The following OR11H12 variants were observed in gnomAD, a reference collection of about 807,000 sequenced individuals.
OR11H12 encodes olfactory receptor 11H12.
A neutral mutation model predicts 19.8 loss-of-function variants in OR11H12; 10 were observed. The observed-to-expected ratio is 0.51, with a 90% CI of 0.31 to 0.86. The LOEUF is 0.86. Among genes scored for constraint, OR11H12 ranks in the 40% least tolerant of loss-of-function variants. The pLI, the probability that OR11H12 is intolerant of heterozygous loss-of-function variation, is 0.04. For missense variants in OR11H12, 123 were observed against 384.2 expected (o/e 0.32, Z 5.68); for synonymous variants, 40 against 140.5 (o/e 0.28, Z 5.06).
In OR11H12 at chr14:18,601,240, C is replaced by T; in HGVS notation, c.124C>T (p.Leu42Phe). ...TTGTGAGTGGACAATTCAGATCTTC[C>T]TCTTCTCACTCTTTACTACAACATA... Reference protein sequence around the residue: ...FTCEWTIQIFLFSLFTTTYAL... With the variant: ...FTCEWTIQIFFFSLFTTTYAL... Residue 42 changes from leucine (L) to phenylalanine (F), a missense_variant, in exon 1 of 1, where the codon CTC (leucine) becomes TTC (phenylalanine). Physicochemically the swap from Leu to Phe is conservative, Grantham distance 22. Transcript: ENST00000550708. 1.2e-6 allele frequency: 2 copies of T among 1,607,878 alleles called. No individual in the cohort carries two copies. Among genetic ancestry groups the T allele is most frequent in the Non-Finnish European group, 1.7e-6 (2 of 1,179,232 alleles).
chr14:18,602,074 C>T lies in OR11H12; in HGVS notation c.958C>T (p.Leu320=). ...KEIKAALRKV[L]GSSNII ...GATAAAGGCAGCCCTGAGGAAAGTT[C>T]TGGGAAGTTCCAACATAATCTAAGG... is the stretch of plus-strand genomic sequence containing the variant. The change falls in exon 1 of 1, where the codon CTG becomes TTG. Residue 320 remains leucine, a synonymous_variant. Coordinates refer to ENST00000550708, the MANE Select transcript of OR11H12 (RefSeq NM_001013354.1). The T allele has an allele frequency of 2.8e-6, 4 of 1,429,708 alleles. 1 individual carries two copies. The highest frequency in any genetic ancestry group is 2.5e-5 in the South Asian group (2 of 79,650). 88.6% of individuals were successfully genotyped at this position (1,429,708 alleles called of 1,614,324 possible).
At position 18,601,162 on chromosome 14, in the gene OR11H12, G is replaced by C. The variant is rs1052058907; in HGVS notation, c.46G>C (p.Glu16Gln). 5 of 1,607,058 alleles carry C rather than the reference G, an allele frequency of 3.1e-6. No individual in the cohort carries two copies. Among genetic ancestry groups the C allele is most frequent in the Non-Finnish European group, 4.2e-6 (5 of 1,178,810 alleles). Residue 16 changes from glutamate (E) to glutamine (Q), a missense_variant, in exon 1 of 1, where the codon GAG (glutamate) becomes CAG (glutamine). By Grantham distance (29) the Glu-to-Gln change is conservative. Transcript: ENST00000550708. ...GGTCACTGGCCTAATGAATGTCTCTGAGCCAAATTCCAGCTTTGCTTTTGT... is the reference window on the plus strand; with the variant it reads ...GGTCACTGGCCTAATGAATGTCTCTCAGCCAAATTCCAGCTTTGCTTTTGT... ...LQVTGLMNVS[E>Q]PNSSFAFVNE... is the part of the protein sequence containing the mutation.
chr14:18,601,210 T>A lies in OR11H12; in HGVS notation c.94T>A (p.Phe32Ile). ...AFVNEFILQG[F>I]TCEWTIQIFL... ...TGTAAATGAATTTATACTCCAAGGT[T>A]TCACTTGTGAGTGGACAATTCAGAT... The change falls in exon 1 of 1, where the codon TTC becomes ATC. Residue 32 changes from phenylalanine (F) to isoleucine (I), a missense_variant. By Grantham distance (21) the Phe-to-Ile change is conservative. Coordinates refer to ENST00000550708, the MANE Select transcript of OR11H12 (RefSeq NM_001013354.1). 6.2e-7 allele frequency: 1 copy of A among 1,609,240 alleles called. No individual in the cohort carries two copies. Among genetic ancestry groups the A allele is most frequent in the African/African-American group, 1.4e-5 (1 of 73,094 alleles).
Position 18,601,144 on chromosome 14 carries a change from G to A in OR11H12, c.28G>A (p.Gly10Ser). The change falls in exon 1 of 1, where the codon GGC becomes AGC. Residue 10 changes from glycine (G) to serine (S), a missense_variant. Transcript: ENST00000550708. ...GTGTCCCTTGACCTTGCAGGTCACTGGCCTAATGAATGTCTCTGAGCCAAA... is the reference window on the plus strand; with the variant it reads ...GTGTCCCTTGACCTTGCAGGTCACTAGCCTAATGAATGTCTCTGAGCCAAA... Reference protein sequence around the residue: MCPLTLQVTGLMNVSEPNSS... With the variant: MCPLTLQVTSLMNVSEPNSS... 1.3e-6 allele frequency: 2 copies of A among 1,577,140 alleles called. No individual in the cohort carries two copies. The highest frequency in any genetic ancestry group is 1.1e-5 in the South Asian group (1 of 90,296).
Position 18,601,275 on chromosome 14 carries a change from T to G in OR11H12, c.159T>G (p.Thr53=). The G allele has an allele frequency of 6.3e-7, 1 of 1,594,636 alleles. No individual in the cohort carries two copies. The highest frequency in any genetic ancestry group is 2.2e-5 in the East Asian group (1 of 44,570). The change falls in exon 1 of 1, where the codon ACT becomes ACG. Residue 53 remains threonine (T), a synonymous_variant. Coordinates refer to ENST00000550708, the MANE Select transcript of OR11H12 (RefSeq NM_001013354.1). ...FSLFTTTYAL[T]ITGNGAIAFV... is the part of the protein sequence containing the mutation. ...TCTTTACTACAACATATGCACTGAC[T>G]ATAACAGGGAATGGAGCCATTGCTT...
Position 18,601,255 on chromosome 14 carries a change from A to G in OR11H12, c.139A>G (p.Thr47Ala), listed in dbSNP as rs1486476143. The change falls in exon 1 of 1, where the codon ACT becomes GCT. Residue 47 changes from threonine (T) to alanine (A), a missense_variant. Transcript: ENST00000550708. Reference protein sequence around the residue: ...TIQIFLFSLFTTTYALTITGN... With the variant: ...TIQIFLFSLFATTYALTITGN... ...TCAGATCTTCCTCTTCTCACTCTTTACTACAACATATGCACTGACTATAAC... is the reference window on the plus strand; with the variant it reads ...TCAGATCTTCCTCTTCTCACTCTTTGCTACAACATATGCACTGACTATAAC... 1 of 1,606,048 alleles carries G rather than the reference A, an allele frequency of 6.2e-7. No homozygotes were observed. The highest frequency in any genetic ancestry group is 8.5e-7 in the Non-Finnish European group (1 of 1,178,826).
rs752656578 is a variant in OR11H12, at chr14:18,601,574, G to A, written c.458G>A (p.Gly153Glu). The change falls in exon 1 of 1, where the codon GGG (glycine) becomes GAG (glutamate). Residue 153 changes from glycine (G) to glutamate (E), a missense_variant. By Grantham distance (98) the Gly-to-Glu change is moderately conservative. Coordinates refer to ENST00000550708, the MANE Select transcript of OR11H12 (RefSeq NM_001013354.1). The part of the protein sequence containing the change: ...RPLLYPNIMT[G>E]HLCAKLVILC... ...TTGCTCTATCCTAATATCATGACTG[G>A]GCATCTCTGTGCCAAACTGGTCATA... is the stretch of plus-strand genomic sequence containing the variant. The A allele has an allele frequency of 1.4e-5, 23 of 1,611,808 alleles. No homozygotes were observed. The highest frequency in any genetic ancestry group is 8.3e-5 in the Admixed American group (5 of 59,992).
chr14:18,601,324 C>A lies in OR11H12; in HGVS notation c.208C>A (p.Leu70Ile), dbSNP rs1408342888. 39 of 1,507,222 alleles carry A rather than the reference C, an allele frequency of 2.6e-5. 8 individuals are homozygous for A. Among genetic ancestry groups the A allele is most frequent in the African/African-American group, 1.3e-4 (8 of 61,614 alleles). 93.4% of individuals were successfully genotyped at this position (1,507,222 alleles called of 1,614,324 possible). A position where few individuals can be genotyped will look rare whatever the true frequency, so the allele number is the denominator to read the frequency against. The change falls in exon 1 of 1, where the codon CTT becomes ATT. Residue 70 changes from leucine (L) to isoleucine (I), a missense_variant. Transcript: ENST00000550708. ...IAFVLWCDWR[L>I]HTPMYMFLGN... ...TTTTGTCCTGTGGTGTGACTGGCGA[C>A]TTCACACTCCCATGTACATGTTCCT... is the stretch of plus-strand genomic sequence containing the variant.
At position 18,601,284 on chromosome 14, in the gene OR11H12, G is replaced by C. The variant is rs759002565; in HGVS notation, c.168G>C (p.Gly56=). 50 of 1,580,226 alleles carry C rather than the reference G, an allele frequency of 3.2e-5. 2 individuals are homozygous for C. The highest frequency in any genetic ancestry group is 1.7e-5 in the Admixed American group (1 of 58,494). The change falls in exon 1 of 1, where the codon GGG becomes GGC. Residue 56 remains glycine (G), a synonymous_variant. Transcript: ENST00000550708. ...CAACATATGCACTGACTATAACAGGGAATGGAGCCATTGCTTTTGTCCTGT... is the reference window on the plus strand; with the variant it reads ...CAACATATGCACTGACTATAACAGGCAATGGAGCCATTGCTTTTGTCCTGT... ...FTTTYALTIT[G]NGAIAFVLWC...
In OR11H12 at chr14:18,601,317, C is replaced by G. The variant is rs1311498150; in HGVS notation, c.201C>G (p.Asp67Glu). The change falls in exon 1 of 1, where the codon GAC (aspartate) becomes GAG (glutamate). Residue 67 changes from aspartate to glutamate, a missense_variant. Coordinates refer to ENST00000550708, the MANE Select transcript of OR11H12 (RefSeq NM_001013354.1). ...NGAIAFVLWC[D>E]WRLHTPMYMF... The stretch of plus-strand genomic sequence containing the variant: ...CCATTGCTTTTGTCCTGTGGTGTGA[C>G]TGGCGACTTCACACTCCCATGTACA... 6.6e-7 allele frequency: 1 copy of G among 1,504,640 alleles called. No individual in the cohort carries two copies. The highest frequency in any genetic ancestry group is 9.1e-7 in the Non-Finnish European group (1 of 1,101,754). The allele number at this position is 1,504,640 out of a possible 1,614,324, so 93.2% of individuals were successfully genotyped here. A position where few individuals can be genotyped will look rare whatever the true frequency, so the allele number is the denominator to read the frequency against.
chr14:18,601,348 C>G lies in OR11H12; in HGVS notation c.232C>G (p.Leu78Val). The G allele has an allele frequency of 1.3e-6, 2 of 1,555,882 alleles. No individual in the cohort carries two copies. Among genetic ancestry groups the G allele is most frequent in the Non-Finnish European group, 1.7e-6 (2 of 1,142,920 alleles). Residue 78 changes from leucine to valine, a missense_variant, in exon 1 of 1, where the codon CTG becomes GTG. By Grantham distance (32) the Leu-to-Val change is conservative. Transcript: ENST00000550708. ...ACTTCACACTCCCATGTACATGTTC[C>G]TGGGAAATTTCTCCTTTTTAGAGAT... ...WRLHTPMYMFLGNFSFLEIWY... is the reference protein window; with the variant it reads ...WRLHTPMYMFVGNFSFLEIWY...
chr14:18,601,190 A>G lies in OR11H12; in HGVS notation c.74A>G (p.Asn25Ser), dbSNP rs756178001. 1.9e-6 allele frequency: 3 copies of G among 1,608,642 alleles called. No homozygotes were observed. Among genetic ancestry groups the G allele is most frequent in the Admixed American group, 1.7e-5 (1 of 59,666 alleles). Residue 25 changes from asparagine to serine, a missense_variant, in exon 1 of 1, where the codon AAT becomes AGT. Coordinates refer to ENST00000550708, the MANE Select transcript of OR11H12 (RefSeq NM_001013354.1). ...CCAAATTCCAGCTTTGCTTTTGTAA[A>G]TGAATTTATACTCCAAGGTTTCACT... ...SEPNSSFAFV[N>S]EFILQGFTCE...
At position 18,601,335 on chromosome 14, in the gene OR11H12, C is replaced by G; in HGVS notation, c.219C>G (p.Pro73=). The change falls in exon 1 of 1, where the codon CCC becomes CCG. Residue 73 remains proline, a synonymous_variant. Coordinates refer to ENST00000550708, the MANE Select transcript of OR11H12 (RefSeq NM_001013354.1). ...VLWCDWRLHT[P]MYMFLGNFSF... is the part of the protein sequence containing the mutation. ...GGTGTGACTGGCGACTTCACACTCC[C>G]ATGTACATGTTCCTGGGAAATTTCT... 6.6e-7 allele frequency: 1 copy of G among 1,523,888 alleles called. No homozygotes were observed. The highest frequency in any genetic ancestry group is 2.3e-5 in the East Asian group (1 of 43,774). 94.4% of individuals were successfully genotyped at this position (1,523,888 alleles called of 1,614,324 possible). A position where few individuals can be genotyped will look rare whatever the true frequency, so the allele number is the denominator to read the frequency against.
Position 18,601,222 on chromosome 14 carries a change from T to C in OR11H12, c.106T>C (p.Trp36Arg). ...EFILQGFTCEWTIQIFLFSLF... is the reference protein window; with the variant it reads ...EFILQGFTCERTIQIFLFSLF... ...TATACTCCAAGGTTTCACTTGTGAG[T>C]GGACAATTCAGATCTTCCTCTTCTC... The change falls in exon 1 of 1, where the codon TGG becomes CGG. Residue 36 changes from tryptophan (W) to arginine (R), a missense_variant. Physicochemically the swap from Trp to Arg is moderately radical, Grantham distance 101. Transcript: ENST00000550708. The C allele has an allele frequency of 6.2e-7, 1 of 1,609,136 alleles. No individual in the cohort carries two copies. The highest frequency in any genetic ancestry group is 8.5e-7 in the Non-Finnish European group (1 of 1,179,518).
At position 18,601,203 on chromosome 14, in the gene OR11H12, C is replaced by G; in HGVS notation, c.87C>G (p.Leu29=). ...TTGCTTTTGTAAATGAATTTATACT[C>G]CAAGGTTTCACTTGTGAGTGGACAA... is the stretch of plus-strand genomic sequence containing the variant. The part of the protein sequence containing the change: ...SSFAFVNEFI[L]QGFTCEWTIQ... The change falls in exon 1 of 1, where the codon CTC becomes CTG. Residue 29 remains leucine (L), a synonymous_variant. Transcript: ENST00000550708. 6.2e-7 allele frequency: 1 copy of G among 1,609,104 alleles called. No homozygotes were observed. The highest frequency in any genetic ancestry group is 1.7e-5 in the Admixed American group (1 of 59,740).
the OR11H12 span, chr14:18,601,180 GC>G: frequency 6.2e-7 from 1 of 1,608,394 alleles, no homozygotes; most frequent in East Asian, 2.2e-5. Context: ...TTCCAGCTTT[GC>G]TTTTGTAAAT....
Position 18,601,930 on chromosome 14 carries a change from G to C in OR11H12, c.814G>C (p.Val272Leu). 1 of 1,596,298 alleles carries C rather than the reference G, an allele frequency of 6.3e-7. No individual in the cohort carries two copies. The highest frequency in any genetic ancestry group is 1.4e-5 in the African/African-American group (1 of 70,994). ...ATCACTGTGCTATAGCTCTCTTATG[G>C]TCATGTATGTGAGCCCAGGACTCGG... Reference protein sequence around the residue: ...VVSLCYSSLMVMYVSPGLGHS... With the variant: ...VVSLCYSSLMLMYVSPGLGHS... Residue 272 changes from valine to leucine, a missense_variant, in exon 1 of 1, where the codon GTC becomes CTC. Val to Leu is a conservative substitution (Grantham distance 32, BLOSUM62 1). Coordinates refer to ENST00000550708, the MANE Select transcript of OR11H12 (RefSeq NM_001013354.1).
chr14:18,601,215 T>C lies in OR11H12; in HGVS notation c.99T>C (p.Thr33=), dbSNP rs370270169. ...ATGAATTTATACTCCAAGGTTTCAC[T>C]TGTGAGTGGACAATTCAGATCTTCC... ...FVNEFILQGF[T]CEWTIQIFLF... The change falls in exon 1 of 1, where the codon ACT becomes ACC. Residue 33 remains threonine, a synonymous_variant. Coordinates refer to ENST00000550708, the MANE Select transcript of OR11H12 (RefSeq NM_001013354.1). 61 of 1,609,284 alleles carry C rather than the reference T, an allele frequency of 3.8e-5. 1 individual carries two copies. The African/African-American group carries it at 6.7e-4, about 18-fold the overall frequency.
In OR11H12 at chr14:18,601,699, G is replaced by A. The variant is rs1298171773; in HGVS notation, c.583G>A (p.Asp195Asn). ...GPNIIDHVVC[D>N]PGPRFALDCV... ...AAACATTATTGACCATGTTGTGTGT[G>A]ACCCAGGGCCACGATTTGCATTGGA... The change falls in exon 1 of 1, where the codon GAC becomes AAC. Residue 195 changes from aspartate to asparagine, a missense_variant. Transcript: ENST00000550708. 1 of 1,608,818 alleles carries A rather than the reference G, an allele frequency of 6.2e-7. No homozygotes were observed. Among genetic ancestry groups the A allele is most frequent in the African/African-American group, 1.4e-5 (1 of 74,052 alleles).
Sources: gnomAD v4.1 joint callset for allele counts on GRCh38, gnomAD v4.1.1 for gene constraint, MANE v1.5 for transcripts, NCBI Gene and HGNC (gene_info 2026-07-23, HGNC 2026-07-21) for gene names.